Variants in COL5A2 observed in about 807,000 individuals in gnomAD.
COL5A2 encodes the protein collagen alpha-2(V) chain.
COL5A2 carries 23 observed loss-of-function variants against 208.2 expected under a neutral mutation model. The ratio of observed to expected loss-of-function variants is 0.11; its 90% confidence interval spans 0.08 to 0.16. The LOEUF (loss-of-function observed/expected upper bound fraction) is 0.16, where lower values mean the gene tolerates loss of function less well. COL5A2 is among the 10% of genes least tolerant of loss of function. COL5A2 has a pLI of 1.00. For missense variants in COL5A2, 1,590 were observed against 1,956.4 expected, an observed-to-expected ratio of 0.81 and a Z score of 3.53; for synonymous variants, 625 against 628.5, an observed-to-expected ratio of 0.99 and a Z score of 0.08.
chr2:189,230,083 A>G (rs2105887003), upstream of COL5A2, among the ~76,000 whole-genome samples: 1 of 151,982 alleles, frequency 6.6e-6, no homozygotes, highest in African/African-American at 2.4e-5. Context: ...ACATAAGGGG[A>G]TAAAGATAGT....
chr2:189,142,821 C>T (rs986056465), intron 1 of COL5A2, among the ~76,000 whole-genome samples: 4 of 152,206 alleles, frequency 2.6e-5, no homozygotes, highest in African/African-American at 7.2e-5. Context: ...TTTGTCCTCA[C>T]CTTCAGAATT....
intron 44 of COL5A2, among the ~76,000 whole-genome samples, chr2:189,048,692 A>T (rs1437387420): frequency 6.6e-6 from 1 of 152,132 alleles, no homozygotes; most frequent in East Asian, 1.9e-4. Context: ...TTTCTATTTT[A>T]TTGTGATTTT....
the COL5A2 span, among the ~76,000 whole-genome samples, chr2:189,386,236 CT>C: frequency 2.0e-5 from 3 of 152,072 alleles, no homozygotes; most frequent in Non-Finnish European, 4.4e-5. Context: ...AAAAGACCCC[CT>C]AATCAATAAA....
chr2:189,328,366 A>C, the COL5A2 span, among the ~76,000 whole-genome samples: 1 of 152,376 alleles, frequency 6.6e-6, no homozygotes, highest in Middle Eastern at 3.4e-3. Context: ...AAGTAGATAC[A>C]GCTTTGACTC....
chr2:189,085,348 G>A, intron 10 of COL5A2, 135 bp from the exon 11 acceptor site: 1 of 862,852 alleles, frequency 1.2e-6, no homozygotes, highest in South Asian at 1.6e-5. Flanking sequence ...ATATTGTTGA[G>A]ACAGAGAAAA....
rs1685640502 is a variant in COL5A2 at position 189,045,211 on chromosome 2, G to A, written c.3331C>T (p.Pro1111Ser). The A allele has an allele frequency of 1.9e-6, 3 of 1,607,576 alleles. No homozygotes were observed. Among genetic ancestry groups the A allele is most frequent in the Non-Finnish European group, 2.5e-6 (3 of 1,177,242 alleles). ...CCACGTTTCCCAGCTCGACCAGGTG[G>A]TCCTATAGGACCCCGAGAACCCTAA... ...GDPGSRGPIG[P>S]PGRAGKRGLP... The change falls in exon 47 of 54, where the codon CCA becomes TCA. Residue 1111 changes from proline to serine, a missense_variant. Transcript: ENST00000374866.
intron 1 of COL5A2, among the ~76,000 whole-genome samples, chr2:189,174,576 A>G (rs576762498): frequency 4.3e-4 from 66 of 152,238 alleles, no homozygotes; most frequent in Non-Finnish European, 8.1e-4. Flanking sequence ...ACAGTGGTTC[A>G]CCAATGTAAA....
At chr2:189,114,529 A>G (rs556584585) in intron 1 of COL5A2, among the ~76,000 whole-genome samples, 4 of 152,210 alleles carry the variant, frequency 2.6e-5, no homozygotes, top group African/African-American at 9.6e-5. Flanking sequence ...AAATTTTCAA[A>G]TGACATTCTG....
chr2:189,325,981 C>T, the COL5A2 span, among the ~76,000 whole-genome samples: 638 of 151,768 alleles, frequency 4.2e-3, 3 homozygotes, highest in African/African-American at 0.014. Flanking sequence ...CCTGTAATCC[C>T]AGCTACTTGG....
chr2:189,359,886 T>C, the COL5A2 span, among the ~76,000 whole-genome samples: 3 of 152,290 alleles, frequency 2.0e-5, no homozygotes, highest in Admixed American at 6.5e-5. Context: ...TAATAATCCC[T>C]TGTATTTCTG....
At chr2:189,226,582 T>A (rs552794095), upstream of COL5A2, among the ~76,000 whole-genome samples, 10 of 152,252 alleles carry the variant, frequency 6.6e-5, no homozygotes, top group East Asian at 1.9e-3. Flanking sequence ...CATCCAATGT[T>A]CTGACTTCTC....
chr2:189,195,532 C>T (rs551382440), intron 1 of COL5A2, among the ~76,000 whole-genome samples: 1 of 152,086 alleles, frequency 6.6e-6, no homozygotes, highest in Admixed American at 6.6e-5. Context: ...AAAGAACAAA[C>T]CTGGAGGCAT....
At chr2:189,388,654 T>C in the COL5A2 span, among the ~76,000 whole-genome samples, 5 of 152,200 alleles carry the variant, frequency 3.3e-5, no homozygotes, top group African/African-American at 1.2e-4. Context: ...ATTGCAGTCA[T>C]ATAGGGTTTA....
the COL5A2 span, among the ~76,000 whole-genome samples, chr2:189,236,072 T>TGTC: frequency 6.6e-6 from 1 of 151,624 alleles, no homozygotes; most frequent in Non-Finnish European, 1.5e-5. Flanking sequence ...TCACATGTGT[T>TGTC]GTCACAACTT....
intron 1 of COL5A2, among the ~76,000 whole-genome samples, chr2:189,192,970 C>T (rs576750321): frequency 6.6e-6 from 1 of 152,290 alleles, no homozygotes; most frequent in East Asian, 1.9e-4. Context: ...CACAAGAGTG[C>T]TACTTATCAC....
the COL5A2 span, among the ~76,000 whole-genome samples, chr2:189,281,235 A>C: frequency 6.6e-6 from 1 of 152,190 alleles, no homozygotes; most frequent in African/African-American, 2.4e-5. Flanking sequence ...CTGCAATATA[A>C]CTAGTAAATG....
At position 189,078,582 on chromosome 2, in the gene COL5A2, G is replaced by A. The variant is rs755802306; in HGVS notation, c.1006-13C>T. 3.7e-6 allele frequency: 6 copies of A among 1,608,090 alleles called. No homozygotes were observed. In the South Asian group the frequency reaches 6.6e-5, roughly 18 times the overall value. On this transcript the variant is annotated splice_polypyrimidine_tract_variant and intron_variant, in intron 15 of 53. Transcript: ENST00000374866. ...TTCCCCTCGGACCCTATAGACGATA[G>A]AGAAGAAATGTCTCTTGAAGCACCT...
chr2:189,104,359 G>T, intron 2 of COL5A2, 82 bp from the exon 3 acceptor site: 1 of 982,066 alleles, frequency 1.0e-6, no homozygotes, highest in Non-Finnish European at 1.6e-6. Context: ...TTCAATAATA[G>T]ATTTCTTCTG....
the COL5A2 span, among the ~76,000 whole-genome samples, chr2:189,239,400 C>T: frequency 6.6e-6 from 1 of 151,694 alleles, no homozygotes; most frequent in Non-Finnish European, 1.5e-5. Flanking sequence ...CAGTGTAATT[C>T]CAAAAGTCCT....
Sources: gnomAD v4.1 joint callset for allele counts (sites outside exome capture counted in the v4.1 genomes callset) on GRCh38, gnomAD v4.1.1 for gene constraint, MANE v1.5 for transcripts, NCBI Gene and HGNC (gene_info 2026-07-23, HGNC 2026-07-21) for gene names.